FOXA1: variants seen among roughly 807,000 people sequenced by gnomAD.
The protein encoded by FOXA1 is forkhead box A1.
A neutral mutation model predicts 29.2 loss-of-function variants in FOXA1; 9 were observed. That is an observed-to-expected ratio of 0.31 (90% CI 0.19 to 0.54). The LOEUF is 0.54. Ranked by LOEUF, FOXA1 falls within the 20% of genes least tolerant of loss-of-function variation. The pLI, the probability that FOXA1 is intolerant of heterozygous loss-of-function variation, is 0.95. For missense variants in FOXA1, 644 were observed against 681.2 expected, an observed-to-expected ratio of 0.95 and a Z score of 0.61; for synonymous variants, 340 against 300.9, an observed-to-expected ratio of 1.13 and a Z score of -1.34.
intron 1 of FOXA1, 39 bp downstream of exon 1, chr14:37,594,862 C>A: frequency 1.3e-6 from 2 of 1,516,674 alleles, no homozygotes; most frequent in South Asian, 2.3e-5. Context: ...CGGGCTCCAG[C>A]GGCGCCCCAC....
intron 1 of FOXA1, 114 bp downstream of exon 1, chr14:37,594,787 G>C (rs2095600429): frequency 2.7e-6 from 2 of 732,784 alleles, no homozygotes; most frequent in East Asian, 8.9e-5. Context: ...GTGGCACCGA[G>C]AAGGCGCCCC....
Position 37,592,500 on chromosome 14 carries a change from C to T in FOXA1, c.284G>A (p.Ser95Asn). ...MPGGSAGAMN[S>N]MTAAGVTAMG... ...GGCCGTCACGCCGGCCGCAGTCATG[C>T]TGTTCATGGCGCCCGCCGAGCCCCC... is the stretch of plus-strand genomic sequence containing the variant. The change falls in exon 2 of 2, where the codon AGC (serine) becomes AAC (asparagine). Residue 95 changes from serine to asparagine, a missense_variant. By Grantham distance (46) the Ser-to-Asn change is conservative. Transcript: ENST00000250448. The T allele has an allele frequency of 6.2e-7, 1 of 1,611,224 alleles. No homozygotes were observed. Among genetic ancestry groups the T allele is most frequent in the Non-Finnish European group, 8.5e-7 (1 of 1,179,438 alleles).
In FOXA1 at chr14:37,590,940, G is replaced by A. The variant is rs1185414483; in HGVS notation, c.*425C>T. 5.3e-6 allele frequency: 2 copies of A among 379,142 alleles called. No homozygotes were observed. The highest frequency in any genetic ancestry group is 9.8e-6 in the Non-Finnish European group (2 of 204,682). 23.5% of individuals were successfully genotyped at this position (379,142 alleles called of 1,614,324 possible). A position where few individuals can be genotyped will look rare whatever the true frequency, so the allele number is the denominator to read the frequency against. ...TTGCCACAGACCTGTAAACTCGTAGGGGGTCAGGTAAGGAGGGGGAAAAAG... is the reference window on the plus strand; with the variant it reads ...TTGCCACAGACCTGTAAACTCGTAGAGGGTCAGGTAAGGAGGGGGAAAAAG... On this transcript the variant is annotated 3_prime_UTR_variant, in exon 2 of 2. Transcript: ENST00000250448.
rs1309772752 is a variant in FOXA1 at position 37,595,199 on chromosome 14, C to CGGAGCGCGGCGCCGG, written c.-242_-228dup. On this transcript the variant is annotated 5_prime_UTR_variant, in exon 1 of 2. Coordinates refer to ENST00000250448, the MANE Select transcript of FOXA1 (RefSeq NM_004496.5). ...CAGCGCCGGGGGCAGGCGGCTGCCG[C>CGGAGCGCGGCGCCGG]GGAGCGCGGCGCCGGGGAGCGCCTC... The CGGAGCGCGGCGCCGG allele has an allele frequency of 4.9e-4, 95 of 192,982 alleles. 1 individual carries two copies. Among genetic ancestry groups the CGGAGCGCGGCGCCGG allele is most frequent in the African/African-American group, 2.0e-3 (84 of 41,964 alleles). The allele number at this position is 192,982 out of a possible 1,614,324, so 12.0% of individuals were successfully genotyped here.
chr14:37,591,497 G>GT lies in FOXA1; in HGVS notation c.1286dup (p.Tyr429Ter), dbSNP rs1443086857. 6.2e-7 allele frequency: 1 copy of GT among 1,614,234 alleles called. No individual in the cohort carries two copies. The highest frequency in any genetic ancestry group is 8.5e-7 in the Non-Finnish European group (1 of 1,180,044). Residue 429 changes from tyrosine to a stop codon, truncating the protein, a stop_gained and frameshift_variant, in exon 2 of 2, where the codon TAC (tyrosine) becomes TAAC (stop). Coordinates refer to ENST00000250448, the MANE Select transcript of FOXA1 (RefSeq NM_004496.5). LOFTEE classifies it high-confidence loss of function. Reference sequence around the variant, plus strand: ...GCAGGCTGGCGGGCAACGTAGAGCCGTAAGGCGAGTATTGCAGTGCCTGTT... The same window carrying GT: ...GCAGGCTGGCGGGCAACGTAGAGCCGTTAAGGCGAGTATTGCAGTGCCTGTT... Reference protein sequence around the residue: ...AYEQALQYSPYGSTLPASLPL... With the variant: ...AYEQALQYSP
In FOXA1 at chr14:37,591,580, T is replaced by C; in HGVS notation, c.1204A>G (p.Ile402Val). ...TCCGAGGAGGACATGAGGTTGTTGA[T>C]GGAGAACGGGTGGTTGAAGGAGTAG... ...PHYSFNHPFS[I>V]NNLMSSSEQQ... Residue 402 changes from isoleucine to valine, a missense_variant, in exon 2 of 2, where the codon ATC (isoleucine) becomes GTC (valine). By Grantham distance (29) the Ile-to-Val change is conservative (BLOSUM62 3). Coordinates refer to ENST00000250448, the MANE Select transcript of FOXA1 (RefSeq NM_004496.5). 1 of 1,614,094 alleles carries C rather than the reference T, an allele frequency of 6.2e-7. No homozygotes were observed. Among genetic ancestry groups the C allele is most frequent in the Non-Finnish European group, 8.5e-7 (1 of 1,179,978 alleles).
In FOXA1 at chr14:37,594,122, G is replaced by A. The variant is rs758383967; in HGVS notation, c.72+779C>T. 119 of 1,287,202 alleles carry A rather than the reference G, an allele frequency of 9.2e-5. 2 individuals carry two copies. The South Asian group carries it at 1.4e-3, about 15-fold the overall frequency. The allele number at this position is 1,287,202 out of a possible 1,614,324, so 79.7% of individuals were successfully genotyped here. ...CCTCTTCCCAAGATTATCCAAGGCA[G>A]TTCCAATACGCGTTTTCAATAATGG... On this transcript the variant is annotated intron_variant, in intron 1 of 1. Transcript: ENST00000250448.
chr14:37,593,236 T>C (rs1013848456), intron 1 of FOXA1, among the ~76,000 whole-genome samples: 8 of 152,360 alleles, frequency 5.3e-5, no homozygotes, highest in African/African-American at 1.7e-4. Context: ...TTCTACCTGC[T>C]TGTAGCAACT....
chr14:37,592,131 A>C lies in FOXA1; in HGVS notation c.653T>G (p.Ile218Ser), dbSNP rs780416288. ...GTCATTGAAGGACAGCGAGTGGCGG[A>C]TGGAGTTCTGCCAGCGCTGCTGGTT... ...RQNQQRWQNS[I>S]RHSLSFNDCF... The change falls in exon 2 of 2, where the codon ATC (isoleucine) becomes AGC (serine). Residue 218 changes from isoleucine (I) to serine (S), a missense_variant. Physicochemically the swap from Ile to Ser is moderately radical, Grantham distance 142. This residue lies in a region of FOXA1 where 12 missense variants were observed against 32.1 expected (regional missense o/e 0.37). Transcript: ENST00000250448. 1 of 1,612,246 alleles carries C rather than the reference A, an allele frequency of 6.2e-7. No homozygotes were observed. The highest frequency in any genetic ancestry group is 8.5e-7 in the Non-Finnish European group (1 of 1,179,180).
At position 37,592,508 on chromosome 14, in the gene FOXA1, G is replaced by A. The variant is rs2095596973; in HGVS notation, c.276C>T (p.Ala92=). ...VAGMPGGSAG[A]MNSMTAAGVT... is the part of the protein sequence containing the mutation. ...CGCCGGCCGCAGTCATGCTGTTCAT[G>A]GCGCCCGCCGAGCCCCCCGGCATGC... The change falls in exon 2 of 2, where the codon GCC becomes GCT. Residue 92 remains alanine, a synonymous_variant. Coordinates refer to ENST00000250448, the MANE Select transcript of FOXA1 (RefSeq NM_004496.5). 1.2e-6 allele frequency: 2 copies of A among 1,611,892 alleles called. No individual in the cohort carries two copies. The highest frequency in any genetic ancestry group is 1.7e-6 in the Non-Finnish European group (2 of 1,179,588).
chr14:37,592,630 T>G lies in FOXA1; in HGVS notation c.154A>C (p.Thr52Pro), dbSNP rs766847827. 1.9e-6 allele frequency: 3 copies of G among 1,614,038 alleles called. No homozygotes were observed. In the East Asian group the frequency reaches 6.7e-5, roughly 36 times the overall value. Residue 52 changes from threonine to proline, a missense_variant, in exon 2 of 2, where the codon ACC becomes CCC. Thr to Pro is a conservative substitution (Grantham distance 38). Coordinates refer to ENST00000250448, the MANE Select transcript of FOXA1 (RefSeq NM_004496.5). ...NSMNTYMTMN[T>P]MTTSGNMTPA... ...GTCATGTTGCCGCTCGTAGTCATGG[T>G]GTTCATGGTCATGTAGGTGTTCATG...
chr14:37,594,770 G>T (rs1245466985), intron 1 of FOXA1, 131 bp downstream of exon 1: 5 of 500,912 alleles, frequency 1.0e-5, no homozygotes, highest in Admixed American at 1.0e-4. Flanking sequence ...CCGGCGGGCG[G>T]GCAGCGGTGG....
rs1272710112 is a variant in FOXA1 at position 37,590,708 on chromosome 14, T to G, written c.*657A>C. The stretch of plus-strand genomic sequence containing the variant: ...TCTACACATCTGAGCATGTGCATAA[T>G]TAAGTCCATACACAATATACATGTA... On this transcript the variant is annotated 3_prime_UTR_variant, in exon 2 of 2. Coordinates refer to ENST00000250448, the MANE Select transcript of FOXA1 (RefSeq NM_004496.5). 4.3e-6 allele frequency: 1 copy of G among 233,970 alleles called. No individual in the cohort carries two copies. Among genetic ancestry groups the G allele is most frequent in the Non-Finnish European group, 8.4e-6 (1 of 118,422 alleles). 14.5% of individuals were successfully genotyped at this position (233,970 alleles called of 1,614,324 possible).
At position 37,592,440 on chromosome 14, in the gene FOXA1, G is replaced by A. The variant is rs979247753; in HGVS notation, c.344C>T (p.Ala115Val). 4.4e-6 allele frequency: 7 copies of A among 1,601,892 alleles called. 1 individual carries two copies. The Admixed American group carries it at 5.0e-5, about 12-fold the overall frequency. The part of the protein sequence containing the change: ...GTALSPSGMG[A>V]MGAQQAASMN... Reference sequence around the variant, plus strand: ...GGAGGCCGCCTGCTGCGCACCCATGGCGCCCATGCCGCTCGGGCTCAGCGC... The same window carrying A: ...GGAGGCCGCCTGCTGCGCACCCATGACGCCCATGCCGCTCGGGCTCAGCGC... Residue 115 changes from alanine (A) to valine (V), a missense_variant, in exon 2 of 2, where the codon GCC becomes GTC. Transcript: ENST00000250448.
chr14:37,592,174 A>G lies in FOXA1; in HGVS notation c.610T>C (p.Phe204Leu), dbSNP rs2139182424. The part of the protein sequence containing the change: ...SEIYQWIMDL[F>L]PYYRQNQQRW... ...TGCTGGTTCTGCCGGTAATAGGGGAAGAGGTCCATGATCCACTGGTAGATC... is the reference window on the plus strand; with the variant it reads ...TGCTGGTTCTGCCGGTAATAGGGGAGGAGGTCCATGATCCACTGGTAGATC... Residue 204 changes from phenylalanine (F) to leucine (L), a missense_variant, in exon 2 of 2, where the codon TTC becomes CTC. By Grantham distance (22) the Phe-to-Leu change is conservative. Around this residue, in one of 5 missense-constraint regions of FOXA1, gnomAD observed 309 missense variants for 307.0 expected, o/e 1.01. Coordinates refer to ENST00000250448, the MANE Select transcript of FOXA1 (RefSeq NM_004496.5). 4 of 1,613,770 alleles carry G rather than the reference A, an allele frequency of 2.5e-6. No homozygotes were observed. Among genetic ancestry groups the G allele is most frequent in the Non-Finnish European group, 3.4e-6 (4 of 1,179,826 alleles).
intron 1 of FOXA1, chr14:37,594,087 A>G: frequency 1.6e-6 from 2 of 1,261,866 alleles, no homozygotes; most frequent in Non-Finnish European, 1.0e-6. Context: ...TTGGGGCTTT[A>G]TTTTCTTTCC....
chr14:37,591,928 C>A lies in FOXA1; in HGVS notation c.856G>T (p.Gly286Cys), dbSNP rs751299919. Residue 286 changes from glycine (G) to cysteine (C), a missense_variant, in exon 2 of 2, where the codon GGC becomes TGC. This residue lies in a region of FOXA1 where 295 missense variants were observed against 294.4 expected (regional missense o/e 1.00). Coordinates refer to ENST00000250448, the MANE Select transcript of FOXA1 (RefSeq NM_004496.5). ...CGGCTCTCAGGGCCGCCCTTGGCGC[C>A]GCTGCCCCCGCTTCCGCTCCCGCCC... ...GGGGSGSGGS[G>C]AKGGPESRKD... The A allele has an allele frequency of 5.4e-6, 8 of 1,490,678 alleles. No individual in the cohort carries two copies. Among genetic ancestry groups the A allele is most frequent in the Non-Finnish European group, 5.3e-6 (6 of 1,124,348 alleles). 92.3% of individuals were successfully genotyped at this position (1,490,678 alleles called of 1,614,324 possible). A position where few individuals can be genotyped will look rare whatever the true frequency, so the allele number is the denominator to read the frequency against.
intron 1 of FOXA1, among the ~76,000 whole-genome samples, chr14:37,593,360 C>T (rs2095598139): frequency 6.6e-6 from 1 of 152,142 alleles, no homozygotes; most frequent in South Asian, 2.1e-4. Flanking sequence ...TCTCAAAGTG[C>T]TATATGCATT....
Position 37,591,200 on chromosome 14 carries a change from T to C in FOXA1, c.*165A>G, listed in dbSNP as rs1230777665. The C allele has an allele frequency of 2.3e-6, 2 of 878,416 alleles. No homozygotes were observed. Among genetic ancestry groups the C allele is most frequent in the Non-Finnish European group, 3.5e-6 (2 of 565,884 alleles). 54.4% of individuals were successfully genotyped at this position (878,416 alleles called of 1,614,324 possible). ...TTTGAATACAATAATAAAGTAACAG[T>C]CTTTTGCACTGGGGGAAAGGTTGTG... is the stretch of plus-strand genomic sequence containing the variant. On this transcript the variant is annotated 3_prime_UTR_variant, in exon 2 of 2. Coordinates refer to ENST00000250448, the MANE Select transcript of FOXA1 (RefSeq NM_004496.5).
Sources: allele counts gnomAD v4.1 joint callset (sites outside exome capture counted in the v4.1 genomes callset), GRCh38; gene constraint gnomAD v4.1.1; regional missense constraint gnomAD v4.1.1; transcripts MANE v1.5; gene names NCBI Gene and HGNC (gene_info 2026-07-23, HGNC 2026-07-21).